NALF1: variants seen among roughly 807,000 people sequenced by gnomAD.
The protein encoded by NALF1 is NALCN channel auxiliary factor 1, also known as family with sequence similarity 155 member A.
NALF1 carries 3 observed loss-of-function variants against 48.4 expected under a neutral mutation model. The ratio of observed to expected loss-of-function variants is 0.06; its 90% CI spans 0.03 to 0.16. NALF1 has a LOEUF of 0.16. NALF1 is among the 10% of genes least tolerant of loss of function. The probability of loss-of-function intolerance (pLI) is 1.00; values close to 1 mark genes in which losing one functional copy is unlikely to be tolerated. For missense variants in NALF1, 526 were observed against 571.5 expected (o/e 0.92, Z 0.81); for synonymous variants, 262 against 245.7 (o/e 1.07, Z -0.62).
intron 1 of NALF1, among the ~76,000 whole-genome samples, chr13:107,659,068 T>C (rs1225764885): frequency 6.6e-6 from 1 of 151,160 alleles, no homozygotes; most frequent in South Asian, 2.1e-4. Context: ...AGTATTTTAT[T>C]TGGAATACCC....
intron 1 of NALF1, among the ~76,000 whole-genome samples, chr13:107,402,734 T>G (rs1883829981): frequency 6.6e-6 from 1 of 152,114 alleles, no homozygotes; most frequent in Non-Finnish European, 1.5e-5. Flanking sequence ...GAATTTAACC[T>G]CTCTTGGCCT....
At chr13:107,439,585 A>G (rs555395123) in intron 1 of NALF1, among the ~76,000 whole-genome samples, 3 of 152,318 alleles carry the variant, frequency 2.0e-5, no homozygotes, top group South Asian at 2.1e-4. Flanking sequence ...TCCAAATGCA[A>G]TATTGTCCCA....
chr13:107,627,613 G>A lies in NALF1; in HGVS notation c.915+238069C>T, dbSNP rs190232810. 1.2e-4 allele frequency among the ~76,000 whole-genome samples: 19 copies of A among 152,066 alleles called. No homozygotes were observed. The East Asian group carries it at 3.3e-3, about 26-fold the overall frequency. On this transcript the variant is annotated intron_variant, in intron 1 of 2. Transcript: ENST00000375915. ...CTAGAAGTGCAATTTCCTATAAAAC[G>A]TATATTTTAAAGCCCGCACATAAGG...
chr13:107,453,489 A>G (rs1884776059), intron 1 of NALF1, among the ~76,000 whole-genome samples: 1 of 152,200 alleles, frequency 6.6e-6, no homozygotes, highest in African/African-American at 2.4e-5. Flanking sequence ...GCTAGGACAC[A>G]GGGCATCAAG....
At chr13:107,721,758 C>T (rs557901818) in intron 1 of NALF1, among the ~76,000 whole-genome samples, 3 of 152,248 alleles carry the variant, frequency 2.0e-5, no homozygotes, top group African/African-American at 7.2e-5. Flanking sequence ...GATCGTACTG[C>T]CTAGCGGTGT....
chr13:107,289,655 G>C lies in NALF1; in HGVS notation c.916-78900C>G, dbSNP rs74114100. 2.9e-3 allele frequency among the ~76,000 whole-genome samples: 434 copies of C among 152,276 alleles called. 4 individuals are homozygous for C. The highest frequency in any genetic ancestry group is 9.9e-3 in the African/African-American group (411 of 41,570). ...AGATTCAAATGTGCTGATCTTTTCA[G>C]GGAGTAGGCATCTGAGTGTACACAT... is the stretch of plus-strand genomic sequence containing the variant. On this transcript the variant is annotated intron_variant, in intron 1 of 2. Coordinates refer to ENST00000375915, the MANE Select transcript of NALF1 (RefSeq NM_001080396.3).
intron 1 of NALF1, among the ~76,000 whole-genome samples, chr13:107,588,717 T>C (rs541649477): frequency 6.6e-6 from 1 of 152,202 alleles, no homozygotes; most frequent in South Asian, 2.1e-4. Flanking sequence ...TCCTTTTAAT[T>C]TTTATTTTTT....
At chr13:107,571,986 C>T (rs1189402399) in intron 1 of NALF1, among the ~76,000 whole-genome samples, 1 of 151,838 alleles carries the variant, frequency 6.6e-6, no homozygotes, top group Admixed American at 6.6e-5. Context: ...TAGCAAATTA[C>T]AAAGTATTCT....
chr13:107,172,487 C>A (rs1418871341), intron 2 of NALF1, among the ~76,000 whole-genome samples: 1 of 151,996 alleles, frequency 6.6e-6, no homozygotes, highest in East Asian at 1.9e-4. Flanking sequence ...TCTTCATTTT[C>A]TTTTAAAGAA....
At chr13:107,304,584 A>G (rs1881900240) in intron 1 of NALF1, among the ~76,000 whole-genome samples, 1 of 152,234 alleles carries the variant, frequency 6.6e-6, no homozygotes, top group Non-Finnish European at 1.5e-5. Context: ...ATGTGGATCC[A>G]AGACCAGAAA....
intron 1 of NALF1, among the ~76,000 whole-genome samples, chr13:107,604,771 G>A (rs1280834576): frequency 6.6e-6 from 1 of 152,064 alleles, no homozygotes; most frequent in Non-Finnish European, 1.5e-5. Context: ...TGGCCAGTGG[G>A]TGACATCATG....
rs1297012396 is a variant in NALF1 at position 107,168,111 on chromosome 13, G to A, written c.*2386C>T. On this transcript the variant is annotated 3_prime_UTR_variant, in exon 3 of 3. Transcript: ENST00000375915. ...CAGCATGAGGAACGCTGAAGAGATGGTGAGATGGCACATGGAGTGGCCTTA... is the reference window on the plus strand; with the variant it reads ...CAGCATGAGGAACGCTGAAGAGATGATGAGATGGCACATGGAGTGGCCTTA... The A allele has an allele frequency of 6.6e-6, 1 of 152,344 alleles. No individual in the cohort carries two copies. Among genetic ancestry groups the A allele is most frequent in the Non-Finnish European group, 1.5e-5 (1 of 68,056 alleles). The allele number at this position is 152,344 out of a possible 1,614,324, so 9.4% of individuals were successfully genotyped here.
intron 1 of NALF1, among the ~76,000 whole-genome samples, chr13:107,271,799 TATA>T (rs1881175693): frequency 9.0e-6 from 1 of 110,520 alleles, no homozygotes; most frequent in South Asian, 2.5e-4. Flanking sequence ...TATATATATA[TATA>T]TATATATATA....
intron 1 of NALF1, among the ~76,000 whole-genome samples, chr13:107,459,948 C>T (rs774680553): frequency 2.6e-5 from 4 of 152,024 alleles, no homozygotes; most frequent in African/African-American, 4.8e-5. Context: ...CACTATGTTG[C>T]CCAAACTGGT....
At chr13:107,689,498 A>C (rs1881518594) in intron 1 of NALF1, among the ~76,000 whole-genome samples, 1 of 152,184 alleles carries the variant, frequency 6.6e-6, no homozygotes, top group South Asian at 2.1e-4. Flanking sequence ...GTAAAGAATT[A>C]TACCTTGGTT....
chr13:107,357,376 G>A lies in NALF1; in HGVS notation c.916-146621C>T, dbSNP rs368829804. ...ATGAGGGAAACTGCCCCCATGATCC[G>A]ATCATCCCCACTTGGTCCCTCCCCT... On this transcript the variant is annotated intron_variant, in intron 1 of 2. Coordinates refer to ENST00000375915, the MANE Select transcript of NALF1 (RefSeq NM_001080396.3). Among the ~76,000 whole-genome samples, 70 of 152,190 alleles carry A rather than the reference G, an allele frequency of 4.6e-4. No homozygotes were observed. The South Asian group carries it at 0.014, about 31-fold the overall frequency.
chr13:107,683,705 T>G (rs1881361009), intron 1 of NALF1, among the ~76,000 whole-genome samples: 1 of 152,200 alleles, frequency 6.6e-6, no homozygotes, highest in South Asian at 2.1e-4. Flanking sequence ...AAGCTGACTC[T>G]AACTCAATGC....
chr13:107,367,366 C>T (rs577551340), intron 1 of NALF1, among the ~76,000 whole-genome samples: 28 of 152,256 alleles, frequency 1.8e-4, no homozygotes, highest in Admixed American at 7.2e-4. Context: ...GTTCTGGGGC[C>T]TCAATTAGAC....
At chr13:107,593,147 T>C (rs555229655) in intron 1 of NALF1, among the ~76,000 whole-genome samples, 104 of 151,958 alleles carry the variant, frequency 6.8e-4, no homozygotes, top group Non-Finnish European at 1.2e-3. Flanking sequence ...AATTAAGCAA[T>C]AGATTTCAAA....
Sources: allele counts gnomAD v4.1 joint callset (sites outside exome capture counted in the v4.1 genomes callset), GRCh38; gene constraint gnomAD v4.1.1; transcripts MANE v1.5; gene names NCBI Gene and HGNC (gene_info 2026-07-23, HGNC 2026-07-21).